STAT5A: variants seen among roughly 807,000 people sequenced by gnomAD.
STAT5A encodes epididymis secretory sperm binding protein.
In STAT5A, 26 loss-of-function variants were observed where a neutral mutation model predicts 100.2. That is an observed-to-expected ratio of 0.26 (90% CI 0.19 to 0.36). The LOEUF is 0.36. STAT5A is among the 10% of genes least tolerant of loss of function. The probability of loss-of-function intolerance (pLI) is 1.00; values close to 1 mark genes in which losing one functional copy is unlikely to be tolerated. For missense variants in STAT5A, 634 were observed against 1,027.5 expected, an observed-to-expected ratio of 0.62 and a Z score of 5.24; for synonymous variants, 330 against 424.3, an observed-to-expected ratio of 0.78 and a Z score of 2.73.
intron 1 of STAT5A, chr17:42,289,148 G>A (rs1211199237): frequency 1.6e-5 from 6 of 384,190 alleles, no homozygotes; most frequent in Non-Finnish European, 2.3e-5. Context: ...GGTGGGGCGA[G>A]GGGAGAGGAA....
intron 9 of STAT5A, among the ~76,000 whole-genome samples, chr17:42,301,747 C>T (rs1482037443): frequency 2.0e-5 from 3 of 152,224 alleles, no homozygotes; most frequent in Non-Finnish European, 2.9e-5. Flanking sequence ...TATCACACCA[C>T]TTTCTCCTGA....
At chr17:42,293,380 T>C (rs1259667538) in intron 4 of STAT5A, among the ~76,000 whole-genome samples, 1 of 152,114 alleles carries the variant, frequency 6.6e-6, no homozygotes, top group Non-Finnish European at 1.5e-5. Context: ...AATTTTTGTA[T>C]TTTTAGTAGA....
rs1177793012 is a variant in STAT5A at position 42,291,822 on chromosome 17, C to T, written c.286-150C>T. On this transcript the variant is annotated intron_variant, in intron 3 of 18. Transcript: ENST00000590949. ...TGGAGGGGAAGATGAGGATGAGGAACAGAGATATAGAGGTGTCTGGGGATA... is the reference window on the plus strand; with the variant it reads ...TGGAGGGGAAGATGAGGATGAGGAATAGAGATATAGAGGTGTCTGGGGATA... 4.4e-6 allele frequency: 3 copies of T among 677,504 alleles called. No individual in the cohort carries two copies. The Admixed American group carries it at 8.4e-5, about 19-fold the overall frequency. The allele number at this position is 677,504 out of a possible 1,614,324, so 42.0% of individuals were successfully genotyped here. A position where few individuals can be genotyped will look rare whatever the true frequency, so the allele number is the denominator to read the frequency against.
At position 42,304,052 on chromosome 17, in the gene STAT5A, T is replaced by C; in HGVS notation, c.1170-290T>C. 2.4e-6 allele frequency: 1 copy of C among 412,504 alleles called. No homozygotes were observed. The highest frequency in any genetic ancestry group is 4.5e-6 in the Non-Finnish European group (1 of 224,320). The allele number at this position is 412,504 out of a possible 1,614,324, so 25.6% of individuals were successfully genotyped here. On this transcript the variant is annotated intron_variant, in intron 9 of 18. Coordinates refer to ENST00000590949, the MANE Select transcript of STAT5A (RefSeq NM_001288718.2). This position sits in a 1 kb window ranked among gnomAD's most constrained non-coding sequence, Gnocchi z 4.8. ...CTGTGGTTGTGATTTTTATCTTAAG[T>C]GCATTAGAAGCTATTGGAAGTCCCC...
intron 4 of STAT5A, among the ~76,000 whole-genome samples, chr17:42,293,493 C>A (rs1281313320): frequency 6.6e-6 from 1 of 152,262 alleles, no homozygotes; most frequent in Non-Finnish European, 1.5e-5. Flanking sequence ...GCATGAGCCA[C>A]CACGCCCGGC....
intron 5 of STAT5A, among the ~76,000 whole-genome samples, chr17:42,299,498 TCCCCAGCTG>T (rs920292016): frequency 2.0e-5 from 3 of 152,134 alleles, no homozygotes; most frequent in African/African-American, 7.2e-5. Flanking sequence ...GCAGGCCTCC[TCCCCAGCTG>T]CCCCAGCACC....
chr17:42,301,902 C>T (rs2080983495), intron 9 of STAT5A, among the ~76,000 whole-genome samples: 1 of 152,236 alleles, frequency 6.6e-6, no homozygotes, highest in Non-Finnish European at 1.5e-5. Context: ...GATGCCGTGG[C>T]TTACCCCTGT....
In STAT5A at chr17:42,304,127, A is replaced by C. The variant is rs2081006026; in HGVS notation, c.1170-215A>C. The C allele has an allele frequency of 5.2e-6, 3 of 581,456 alleles. No individual in the cohort carries two copies. Among genetic ancestry groups the C allele is most frequent in the Non-Finnish European group, 6.1e-6 (2 of 325,342 alleles). The allele number at this position is 581,456 out of a possible 1,614,324, so 36.0% of individuals were successfully genotyped here. A position where few individuals can be genotyped will look rare whatever the true frequency, so the allele number is the denominator to read the frequency against. On this transcript the variant is annotated intron_variant, in intron 9 of 18. Transcript: ENST00000590949. This position sits in a 1 kb window ranked among gnomAD's most constrained non-coding sequence, Gnocchi z 4.8. ...TCGAGGAATTTCTAATGATAGATCCAGACCTCACCACTGGAGACCTTGCCT... is the reference window on the plus strand; with the variant it reads ...TCGAGGAATTTCTAATGATAGATCCCGACCTCACCACTGGAGACCTTGCCT...
At chr17:42,298,938 C>T (rs997206127) in intron 5 of STAT5A, among the ~76,000 whole-genome samples, 2 of 152,048 alleles carry the variant, frequency 1.3e-5, no homozygotes, top group African/African-American at 4.8e-5. Flanking sequence ...CCCCAGTGGC[C>T]CTGGACACGC....
chr17:42,309,497 C>G lies in STAT5A; in HGVS notation c.2222+13C>G, dbSNP rs1170539566. The stretch of plus-strand genomic sequence containing the variant: ...TGTACCCACAGAAGTAGGTGGTGTT[C>G]TCATGGGGTCCGCAGGGGAAGAACT... On this transcript the variant is annotated intron_variant, in intron 18 of 18. Transcript: ENST00000590949. The G allele has an allele frequency of 1.9e-6, 3 of 1,612,564 alleles. No individual in the cohort carries two copies. Among genetic ancestry groups the G allele is most frequent in the Non-Finnish European group, 2.5e-6 (3 of 1,178,964 alleles).
rs765741715 is a variant in STAT5A, at chr17:42,295,666, C to T, written c.423C>T (p.His141=). Residue 141 remains histidine (H), a synonymous_variant, in exon 5 of 19, where the codon CAC becomes CAT. Transcript: ENST00000590949. ...GILVDAMSQK[H]LQINQTFEEL... The stretch of plus-strand genomic sequence containing the variant: ...TGGTTGACGCCATGTCCCAGAAGCA[C>T]CTTCAGATCAACCAGACATTTGAGG... 1 of 1,613,976 alleles carries T rather than the reference C, an allele frequency of 6.2e-7. No individual in the cohort carries two copies. The highest frequency in any genetic ancestry group is 8.5e-7 in the Non-Finnish European group (1 of 1,179,960).
At chr17:42,298,589 A>G (rs1398040012) in intron 5 of STAT5A, among the ~76,000 whole-genome samples, 2 of 150,984 alleles carry the variant, frequency 1.3e-5, no homozygotes, top group Admixed American at 6.6e-5. Context: ...CTCCTGCCTC[A>G]GCCTCCCTAG....
chr17:42,298,350 A>G (rs2080939899), intron 5 of STAT5A, among the ~76,000 whole-genome samples: 2 of 150,588 alleles, frequency 1.3e-5, no homozygotes, highest in Non-Finnish European at 3.0e-5. Context: ...TAGTAGAGAC[A>G]GGGTCTTGCC....
rs1433764400 is a variant in STAT5A, at chr17:42,308,899, G to C, written c.2063-148G>C. The C allele has an allele frequency of 4.2e-6, 4 of 941,258 alleles. No homozygotes were observed. The Admixed American group carries it at 6.2e-5, about 15-fold the overall frequency. 58.3% of individuals were successfully genotyped at this position (941,258 alleles called of 1,614,324 possible). ...ACCCTCAGGCAGGATTCATCAGCTG[G>C]TGTTTATTGGGGGTCCTTGGGAAAT... On this transcript the variant is annotated intron_variant, in intron 16 of 18. Transcript: ENST00000590949. This position sits in a 1 kb window ranked among gnomAD's most constrained non-coding sequence, Gnocchi z 4.6.
At chr17:42,307,356 G>C (rs937360710) in intron 13 of STAT5A, 46 bp from the exon 14 acceptor site, 3 of 1,597,178 alleles carry the variant, frequency 1.9e-6, no homozygotes, top group Middle Eastern at 1.7e-4. Flanking sequence ...TGGGCCACCT[G>C]TGACCTGGGG....
chr17:42,308,582 C>T lies in STAT5A; in HGVS notation c.2062+249C>T. The T allele has an allele frequency of 5.3e-6, 3 of 568,122 alleles. No individual in the cohort carries two copies. The highest frequency in any genetic ancestry group is 9.3e-6 in the Non-Finnish European group (3 of 322,268). The allele number at this position is 568,122 out of a possible 1,614,324, so 35.2% of individuals were successfully genotyped here. ...GCATGGATTCTCACTTCTGCACCCT[C>T]GGAGGAAGGGGTGGCAGCACTGTAG... On this transcript the variant is annotated intron_variant, in intron 16 of 18. Transcript: ENST00000590949. The surrounding 1 kb of genome is among the most constrained non-coding windows in gnomAD (Gnocchi z 4.6).
At chr17:42,298,763 A>G (rs2080945465) in intron 5 of STAT5A, among the ~76,000 whole-genome samples, 1 of 152,204 alleles carries the variant, frequency 6.6e-6, no homozygotes, top group Admixed American at 6.5e-5. Context: ...CTGGGATTAC[A>G]GGCGTGAGCC....
chr17:42,287,803 A>T (rs2080827597), upstream of STAT5A: 1 of 152,048 alleles, frequency 6.6e-6, no homozygotes, highest in African/African-American at 2.4e-5. Flanking sequence ...AATTGTGGAG[A>T]GGGGGAGGGC....
At chr17:42,294,966 C>G (rs141270791) in intron 4 of STAT5A, among the ~76,000 whole-genome samples, 1 of 151,620 alleles carries the variant, frequency 6.6e-6, no homozygotes, top group South Asian at 2.1e-4. Flanking sequence ...GGCGCAATCT[C>G]GGCTCACTGC....
Sources: allele counts gnomAD v4.1 joint callset (sites outside exome capture counted in the v4.1 genomes callset), GRCh38; gene constraint gnomAD v4.1.1; non-coding constraint Gnocchi (gnomAD v3.1); transcripts MANE v1.5; gene names NCBI Gene and HGNC (gene_info 2026-07-23, HGNC 2026-07-21).